The following NTM variants were observed in gnomAD, a reference collection of about 807,000 sequenced individuals.
The protein encoded by NTM is neurotrimin.
Under a neutral mutation model 42.1 loss-of-function variants are expected in NTM, and 13 were observed. The ratio of observed to expected loss-of-function variants is 0.31; its 90% CI spans 0.20 to 0.49. The LOEUF (loss-of-function observed/expected upper bound fraction) is 0.49. NTM is among the 20% of genes least tolerant of loss of function. The probability of loss-of-function intolerance (pLI) is 0.99; values close to 1 mark genes in which losing one functional copy is unlikely to be tolerated. For synonymous variants in NTM, 187 were observed against 179.2 expected (o/e 1.04, Z -0.35); for missense variants, 373 against 452.8 (o/e 0.82, Z 1.60).
intron 4 of NTM, among the ~76,000 whole-genome samples, chr11:132,231,456 AAAAGGGTAAATTTAC>A (rs1310755899): frequency 1.3e-5 from 2 of 152,230 alleles, no homozygotes; most frequent in Non-Finnish European, 2.9e-5. Flanking sequence ...TTTTACAGGT[AAAAGGGTAAATTTAC>A]AATTAGCAGC....
At chr11:131,741,569 C>T (rs542214775) in intron 1 of NTM, among the ~76,000 whole-genome samples, 141 of 152,232 alleles carry the variant, frequency 9.3e-4, no homozygotes, top group Non-Finnish European at 1.7e-3. Flanking sequence ...CATCTTCAAA[C>T]TACTTTAATA....
chr11:132,114,977 T>C (rs1266232175), intron 2 of NTM, among the ~76,000 whole-genome samples: 1 of 152,214 alleles, frequency 6.6e-6, no homozygotes, highest in Non-Finnish European at 1.5e-5. Context: ...GTGGGATTGC[T>C]AGATCCCATG....
At chr11:132,299,282 G>A (rs2094746033) in intron 4 of NTM, among the ~76,000 whole-genome samples, 1 of 152,102 alleles carries the variant, frequency 6.6e-6, no homozygotes, top group South Asian at 2.1e-4. Flanking sequence ...GTGACAGAGC[G>A]AGACTCTGTC....
chr11:131,649,725 G>A (rs1444719341), intron 1 of NTM, among the ~76,000 whole-genome samples: 2 of 152,144 alleles, frequency 1.3e-5, no homozygotes, highest in African/African-American at 4.8e-5. Context: ...CAATACACAT[G>A]GTGACCAGAT....
At chr11:131,412,445 A>G (rs1946523244) in intron 1 of NTM, among the ~76,000 whole-genome samples, 1 of 152,230 alleles carries the variant, frequency 6.6e-6, no homozygotes, top group African/African-American at 2.4e-5. Flanking sequence ...TTCAACCCAA[A>G]GCATAGATTT....
rs370342944 is a variant in NTM at position 131,376,423 on chromosome 11, GA to G, written c.82+5537del. Among the ~76,000 whole-genome samples, 536 of 152,180 alleles carry G rather than the reference GA, an allele frequency of 3.5e-3. 1 individual carries two copies. Among genetic ancestry groups the G allele is most frequent in the Middle Eastern group, 6.8e-3 (2 of 294 alleles). On this transcript the variant is annotated intron_variant, in intron 1 of 8. Coordinates refer to ENST00000683400, the MANE Select transcript of NTM (RefSeq NM_001352005.2). ...TCTAAAATCATGACAGGAGATCACA[GA>G]ATCTCCCCTACTTAAGTCATATTAG... is the stretch of plus-strand genomic sequence containing the variant.
intron 1 of NTM, among the ~76,000 whole-genome samples, chr11:131,908,886 ATCT>A (rs2054258269): frequency 6.6e-6 from 1 of 152,200 alleles, no homozygotes; most frequent in Non-Finnish European, 1.5e-5. Flanking sequence ...ACAAACAAAG[ATCT>A]TCTGCTCCCC....
intron 1 of NTM, among the ~76,000 whole-genome samples, chr11:131,786,475 A>G (rs1360079138): frequency 6.6e-6 from 1 of 152,354 alleles, no homozygotes; most frequent in East Asian, 1.9e-4. Context: ...ACTAAAGTCA[A>G]CAGAGGTTGG....
chr11:131,770,486 G>A (rs987429110), intron 1 of NTM, among the ~76,000 whole-genome samples: 7 of 152,194 alleles, frequency 4.6e-5, no homozygotes, highest in East Asian at 1.9e-4. Flanking sequence ...TCCTGCCTGA[G>A]TTCTTAGGCA....
rs578206338 is a variant in NTM, at chr11:131,557,591, T to C, written c.82+186703T>C. ...TCTTACTTCTAACCTGGAAGACACATTTTTAAATTAATATGACTATGCTGT... is the reference window on the plus strand; with the variant it reads ...TCTTACTTCTAACCTGGAAGACACACTTTTAAATTAATATGACTATGCTGT... On this transcript the variant is annotated intron_variant, in intron 1 of 8. Coordinates refer to ENST00000683400, the MANE Select transcript of NTM (RefSeq NM_001352005.2). 5.3e-5 allele frequency among the ~76,000 whole-genome samples: 8 copies of C among 152,324 alleles called. No homozygotes were observed. The South Asian group carries it at 1.7e-3, about 32-fold the overall frequency.
At chr11:131,854,449 G>A (rs1292295620) in intron 1 of NTM, among the ~76,000 whole-genome samples, 1 of 152,366 alleles carries the variant, frequency 6.6e-6, no homozygotes, top group Non-Finnish European at 1.5e-5. Context: ...AAGTCTTTCC[G>A]AGGATGTGAC....
chr11:132,249,332 G>C (rs1033949174), intron 4 of NTM, among the ~76,000 whole-genome samples: 2 of 152,128 alleles, frequency 1.3e-5, no homozygotes, highest in Admixed American at 6.5e-5. Context: ...TCATGAACGT[G>C]GTGATCACTT....
chr11:131,565,374 A>G (rs1184025777), intron 1 of NTM, among the ~76,000 whole-genome samples: 2 of 152,192 alleles, frequency 1.3e-5, no homozygotes, highest in Non-Finnish European at 2.9e-5. Flanking sequence ...TTGTTGGCCC[A>G]GGTAGAGCGT....
intron 1 of NTM, among the ~76,000 whole-genome samples, chr11:131,479,888 A>C (rs1052520703): frequency 6.6e-6 from 1 of 152,134 alleles, no homozygotes; most frequent in Admixed American, 6.5e-5. Flanking sequence ...CATTTTGATA[A>C]ATTTTTTTTT....
intron 3 of NTM, among the ~76,000 whole-genome samples, chr11:132,160,789 T>C (rs768014561): frequency 1.3e-5 from 2 of 152,040 alleles, no homozygotes; most frequent in Non-Finnish European, 2.9e-5. Flanking sequence ...TGAAACCTTC[T>C]GGACAAAAAA....
chr11:131,584,283 C>T (rs1008739644), intron 1 of NTM, among the ~76,000 whole-genome samples: 4 of 152,160 alleles, frequency 2.6e-5, no homozygotes, highest in African/African-American at 4.8e-5. Flanking sequence ...GATCAGCATC[C>T]GACTTTTATG....
chr11:132,118,960 T>C (rs921901076), intron 2 of NTM, among the ~76,000 whole-genome samples: 11 of 151,930 alleles, frequency 7.2e-5, no homozygotes, highest in African/African-American at 1.2e-4. Flanking sequence ...GGAGTAGAGA[T>C]AGATAGTGTA....
intron 2 of NTM, among the ~76,000 whole-genome samples, chr11:131,962,086 TC>T (rs1044580223): frequency 1.3e-5 from 2 of 152,056 alleles, no homozygotes; most frequent in African/African-American, 4.8e-5. Flanking sequence ...CCCATCAGAT[TC>T]CCTTCATTCT....
intron 1 of NTM, among the ~76,000 whole-genome samples, chr11:131,674,530 C>T (rs1489612558): frequency 1.3e-5 from 2 of 152,196 alleles, no homozygotes; most frequent in Non-Finnish European, 2.9e-5. Flanking sequence ...GAGAGCTGGC[C>T]ACTCGCTGGT....
Sources: allele counts gnomAD v4.1 joint callset (sites outside exome capture counted in the v4.1 genomes callset), GRCh38; gene constraint gnomAD v4.1.1; transcripts MANE v1.5; gene names NCBI Gene and HGNC (gene_info 2026-07-23, HGNC 2026-07-21).